The following SLC38A12 variants were observed in gnomAD, a reference collection of about 807,000 sequenced individuals.
SLC38A12 encodes solute carrier family 38 member 12, also known as putative sodium-coupled neutral amino acid transporter 12.
the SLC38A12 span, among the ~76,000 whole-genome samples, chr17:74,809,863 G>A: frequency 1.2e-4 from 18 of 152,218 alleles, no homozygotes; most frequent in Admixed American, 2.6e-4. Flanking sequence ...AGCAGAGGTA[G>A]CGCAGGTGCC....
At chr17:74,785,692 G>A in the SLC38A12 span, 9 of 1,513,550 alleles carry the variant, frequency 5.9e-6, no homozygotes, top group African/African-American at 1.1e-4. Flanking sequence ...GGCACTGAGG[G>A]GGTGGGAAGA....
the SLC38A12 span, chr17:74,791,066 G>A: frequency 5.0e-6 from 8 of 1,597,364 alleles, no homozygotes; most frequent in Non-Finnish European, 6.9e-6. Flanking sequence ...TGGGGTGTGG[G>A]GAAACGGGGA....
the SLC38A12 span, among the ~76,000 whole-genome samples, chr17:74,804,158 T>A: frequency 6.6e-6 from 1 of 152,276 alleles, no homozygotes; most frequent in Non-Finnish European, 1.5e-5. Context: ...ATTCCCTGAA[T>A]GATGCTTGCT....
At chr17:74,777,356 G>A in the SLC38A12 span, 2 of 1,614,212 alleles carry the variant, frequency 1.2e-6, no homozygotes, top group Non-Finnish European at 1.7e-6. Flanking sequence ...ACAGAGACCG[G>A]GGAACTCTAC....
At chr17:74,838,807 C>G in the SLC38A12 span, 1 of 1,506,214 alleles carries the variant, frequency 6.6e-7, no homozygotes, top group South Asian at 1.3e-5. Context: ...TGGCTCTCCA[C>G]GTGCATCCGG....
At chr17:74,814,107 C>T in the SLC38A12 span, among the ~76,000 whole-genome samples, 9 of 152,224 alleles carry the variant, frequency 5.9e-5, no homozygotes, top group Non-Finnish European at 7.3e-5. Context: ...AGCTTCTTCA[C>T]TTTAGGTGAA....
At chr17:74,838,747 T>C in the SLC38A12 span, 1 of 1,459,066 alleles carries the variant, frequency 6.9e-7, no homozygotes, top group Non-Finnish European at 9.0e-7. Flanking sequence ...CCAATGGGGC[T>C]TGGGGCCAGG....
chr17:74,835,797 C>T, the SLC38A12 span: 1 of 1,473,478 alleles, frequency 6.8e-7, no homozygotes, highest in Non-Finnish European at 9.0e-7. Flanking sequence ...AAGAACAGGG[C>T]TGCATGAACA....
At chr17:74,795,615 G>GC in the SLC38A12 span, 3 of 1,613,768 alleles carry the variant, frequency 1.9e-6, no homozygotes, top group Non-Finnish European at 2.5e-6. Context: ...CCGAGTGGAC[G>GC]CCTACCGCAT....
At chr17:74,814,221 G>A in the SLC38A12 span, among the ~76,000 whole-genome samples, 1 of 152,044 alleles carries the variant, frequency 6.6e-6, no homozygotes, top group Non-Finnish European at 1.5e-5. Flanking sequence ...GGAGATGCTG[G>A]TGATGGCGGG....
chr17:74,784,292 T>C, the SLC38A12 span, among the ~76,000 whole-genome samples: 2 of 152,064 alleles, frequency 1.3e-5, no homozygotes, highest in Admixed American at 1.3e-4. Context: ...GGAAGACCAG[T>C]TAGGAGTCTA....
the SLC38A12 span, among the ~76,000 whole-genome samples, chr17:74,812,877 G>C: frequency 6.6e-6 from 1 of 152,164 alleles, no homozygotes; most frequent in Non-Finnish European, 1.5e-5. Flanking sequence ...CTGGCCTCCC[G>C]TGTTGAAACT....
At chr17:74,785,395 T>C in the SLC38A12 span, 2 of 1,545,204 alleles carry the variant, frequency 1.3e-6, no homozygotes, top group Non-Finnish European at 1.8e-6. Context: ...TCCACAGTGG[T>C]GCCATCACCA....
chr17:74,795,724 C>T, the SLC38A12 span: 3 of 993,700 alleles, frequency 3.0e-6, no homozygotes, highest in Non-Finnish European at 4.6e-6. Context: ...AGAATCCTTT[C>T]CCCAGAGAGG....
chr17:74,780,975 C>T, the SLC38A12 span, among the ~76,000 whole-genome samples: 97 of 152,220 alleles, frequency 6.4e-4, no homozygotes, highest in Non-Finnish European at 1.3e-3. Flanking sequence ...TGTCAACTAG[C>T]GGTGATCCTG....
chr17:74,800,598 G>A, the SLC38A12 span, among the ~76,000 whole-genome samples: 1 of 152,240 alleles, frequency 6.6e-6, no homozygotes, highest in African/African-American at 2.4e-5. Context: ...GGACCAGTGA[G>A]GAAGGAAAAT....
chr17:74,830,469 C>A, the SLC38A12 span, among the ~76,000 whole-genome samples: 7 of 152,250 alleles, frequency 4.6e-5, no homozygotes, highest in African/African-American at 1.7e-4. Flanking sequence ...CAGGCTGAGG[C>A]TGTCTGGGGA....
At chr17:74,827,196 G>A in the SLC38A12 span, among the ~76,000 whole-genome samples, 1 of 152,038 alleles carries the variant, frequency 6.6e-6, no homozygotes, top group South Asian at 2.1e-4. This position sits in a 1 kb window ranked among gnomAD's most constrained non-coding sequence, Gnocchi z 4.7. Flanking sequence ...TGCAATGATA[G>A]AAGGCATGTG....
At chr17:74,836,843 A>AC in the SLC38A12 span, 400,702 of 1,409,360 alleles carry the variant, frequency 0.28, 58,443 homozygotes, top group East Asian at 0.44. The surrounding 1 kb of genome is among the most constrained non-coding windows in gnomAD (Gnocchi z 4.2). Flanking sequence ...TGTTCTCCCC[A>AC]CCCACCTTCC....
Sources: allele counts gnomAD v4.1 joint callset (sites outside exome capture counted in the v4.1 genomes callset), GRCh38; gene constraint gnomAD v4.1.1; non-coding constraint Gnocchi (gnomAD v3.1); transcripts MANE v1.5; gene names NCBI Gene and HGNC (gene_info 2026-07-23, HGNC 2026-07-21).